Variants in PVT1 observed in about 807,000 individuals in gnomAD.
The protein encoded by PVT1 is Pvt1 oncogene, also known as CXCR4/PVT1 fusion.
intron 3 of PVT1, among the ~76,000 whole-genome samples, chr8:127,912,851 C>G (rs1464939083): frequency 6.6e-6 from 1 of 152,242 alleles, no homozygotes; most frequent in Non-Finnish European, 1.5e-5. Context: ...CACCTGCCAC[C>G]AGGCCAGACG....
At chr8:128,046,245 G>T (rs1813610516) in intron 4 of PVT1, among the ~76,000 whole-genome samples, 1 of 152,300 alleles carries the variant, frequency 6.6e-6, no homozygotes, top group African/African-American at 2.4e-5. Flanking sequence ...CCTACTGTGT[G>T]CCAGACACTG....
chr8:128,060,418 C>T (rs896078791), intron 4 of PVT1, among the ~76,000 whole-genome samples: 3 of 152,214 alleles, frequency 2.0e-5, no homozygotes, highest in Non-Finnish European at 4.4e-5. Context: ...CACTTCATAG[C>T]AATGTCAGGA....
chr8:127,939,070 C>A (rs1345038753), intron 3 of PVT1, among the ~76,000 whole-genome samples: 1 of 152,158 alleles, frequency 6.6e-6, no homozygotes, highest in Non-Finnish European at 1.5e-5. Context: ...GGGATTGGAC[C>A]AAGGGGTCTT....
chr8:127,836,373 A>G (rs915928691), intron 2 of PVT1, among the ~76,000 whole-genome samples: 4 of 152,196 alleles, frequency 2.6e-5, no homozygotes, highest in Non-Finnish European at 4.4e-5. Flanking sequence ...AACGTGTGCC[A>G]TGGTGGTTTG....
At chr8:128,019,811 C>T (rs141702180) in intron 4 of PVT1, among the ~76,000 whole-genome samples, 344 of 152,282 alleles carry the variant, frequency 2.3e-3, no homozygotes, top group Middle Eastern at 0.01. Flanking sequence ...GCTTGGCACT[C>T]GGAGGCTAGC....
chr8:127,954,854 G>T (rs938456608), intron 3 of PVT1, among the ~76,000 whole-genome samples: 6 of 152,114 alleles, frequency 3.9e-5, no homozygotes, highest in Non-Finnish European at 7.3e-5. Flanking sequence ...CGCTTTCTGT[G>T]TGCTGCCACA....
chr8:128,018,623 G>T (rs1045379511), intron 4 of PVT1, among the ~76,000 whole-genome samples: 3 of 152,182 alleles, frequency 2.0e-5, no homozygotes, highest in African/African-American at 7.2e-5. Flanking sequence ...TCAAACAGGG[G>T]GTGTATTCTT....
chr8:127,821,546 C>T (rs1254238471), intron 2 of PVT1, among the ~76,000 whole-genome samples: 2 of 152,130 alleles, frequency 1.3e-5, no homozygotes, highest in East Asian at 1.9e-4. Context: ...TGCGGTGGCT[C>T]ACGCCTGTAA....
At chr8:127,811,675 A>G (rs1329863861) in intron 2 of PVT1, among the ~76,000 whole-genome samples, 2 of 151,714 alleles carry the variant, frequency 1.3e-5, no homozygotes, top group Non-Finnish European at 1.5e-5. Flanking sequence ...ATTCTAGACA[A>G]CTCTGTTCTT....
At chr8:127,826,079 C>T (rs914739321) in intron 2 of PVT1, among the ~76,000 whole-genome samples, 6 of 124,292 alleles carry the variant, frequency 4.8e-5, no homozygotes, top group African/African-American at 1.3e-4. Flanking sequence ...AGGCCAGTTT[C>T]GAACTCCTTG....
chr8:127,867,558 C>T (rs1217571708), intron 2 of PVT1, among the ~76,000 whole-genome samples: 1 of 152,216 alleles, frequency 6.6e-6, no homozygotes, highest in African/African-American at 2.4e-5. Flanking sequence ...CTTTTCGATC[C>T]TCACTCTGCC....
At chr8:128,071,580 G>C (rs1813993125) in intron 5 of PVT1, among the ~76,000 whole-genome samples, 1 of 151,798 alleles carries the variant, frequency 6.6e-6, no homozygotes, top group African/African-American at 2.4e-5. Context: ...AGCTAGTTAG[G>C]AGGCTGAGGT....
intron 3 of PVT1, among the ~76,000 whole-genome samples, chr8:127,967,225 T>C (rs1451722438): frequency 3.3e-5 from 5 of 151,912 alleles, no homozygotes; most frequent in African/African-American, 9.7e-5. Flanking sequence ...GGGCCTTTCT[T>C]TGAATGGAAA....
intron 4 of PVT1, among the ~76,000 whole-genome samples, chr8:128,069,416 C>G (rs892790670): frequency 3.9e-5 from 6 of 152,214 alleles, no homozygotes; most frequent in African/African-American, 1.4e-4. Flanking sequence ...GACAGCCTGA[C>G]CCTCGCTGCT....
intron 2 of PVT1, chr8:127,855,225 G>A (rs1433565441): frequency 2.5e-6 from 1 of 398,788 alleles, no homozygotes; most frequent in Middle Eastern, 6.3e-4. Flanking sequence ...GAGTCCTGCT[G>A]TCACTGTGGA....
chr8:127,920,344 C>T (rs1419618870), intron 3 of PVT1, among the ~76,000 whole-genome samples: 3 of 152,220 alleles, frequency 2.0e-5, no homozygotes, highest in East Asian at 1.9e-4. Flanking sequence ...AGGCCCCAGG[C>T]TCATTGAAGA....
At chr8:127,844,239 C>G (rs1815005995) in intron 2 of PVT1, among the ~76,000 whole-genome samples, 1 of 152,092 alleles carries the variant, frequency 6.6e-6, no homozygotes. Flanking sequence ...TTAAAAGGGT[C>G]TCTTTGCATG....
chr8:127,915,573 T>G (rs1815973485), intron 3 of PVT1, among the ~76,000 whole-genome samples: 1 of 145,566 alleles, frequency 6.9e-6, no homozygotes, highest in Admixed American at 7.0e-5. Context: ...GATTGCATCA[T>G]TGCATTTCAG....
At chr8:127,802,062 C>CCCA (rs983249702) in intron 2 of PVT1, among the ~76,000 whole-genome samples, 1 of 151,886 alleles carries the variant, frequency 6.6e-6, no homozygotes, top group Non-Finnish European at 1.5e-5. Flanking sequence ...ATTACAGGTG[C>CCCA]CCACCACCAC....
Sources: gnomAD v4.1 joint callset for allele counts (sites outside exome capture counted in the v4.1 genomes callset) on GRCh38, gnomAD v4.1.1 for gene constraint, MANE v1.5 for transcripts, NCBI Gene and HGNC (gene_info 2026-07-23, HGNC 2026-07-21) for gene names.